The following GALNT13 variants were observed in gnomAD, a reference collection of about 807,000 sequenced individuals.
GALNT13 encodes polypeptide N-acetylgalactosaminyltransferase 13, also known as UDP-GalNAc:polypeptide N-acetylgalactosaminyltransferase 13.
In GALNT13, 28 loss-of-function variants were observed where a neutral mutation model predicts 64.2. The observed-to-expected ratio is 0.44, with a 90% CI of 0.32 to 0.60. The LOEUF is 0.60. GALNT13 is among the 20% of genes least tolerant of loss of function. The probability of loss-of-function intolerance (pLI) is 0.05; values close to 1 mark genes in which losing one functional copy is unlikely to be tolerated. For synonymous variants in GALNT13, 214 were observed against 224.6 expected (o/e 0.95, Z 0.42); for missense variants, 577 against 669.8 (o/e 0.86, Z 1.53).
chr2:153,109,391 C>A, the GALNT13 span, among the ~76,000 whole-genome samples: 1 of 151,876 alleles, frequency 6.6e-6, no homozygotes, highest in South Asian at 2.1e-4. Context: ...ACTATAATAC[C>A]TGGCCCTGAT....
intron 3 of GALNT13, among the ~76,000 whole-genome samples, chr2:154,121,342 TC>T (rs1681931852): frequency 6.6e-6 from 1 of 152,168 alleles, no homozygotes; most frequent in African/African-American, 2.4e-5. Context: ...GTCTTTTGTA[TC>T]AGTATTAATG....
intron 11 of GALNT13, among the ~76,000 whole-genome samples, chr2:154,427,372 A>G (rs1406330724): frequency 6.6e-6 from 1 of 152,222 alleles, no homozygotes; most frequent in Non-Finnish European, 1.5e-5. Flanking sequence ...CTGGGTAAAA[A>G]TGGTAAGAGA....
the GALNT13 span, among the ~76,000 whole-genome samples, chr2:153,661,333 G>A: frequency 6.6e-6 from 1 of 152,046 alleles, no homozygotes; most frequent in Non-Finnish European, 1.5e-5. Flanking sequence ...CTACTCAGCT[G>A]CTCAAAATCA....
chr2:153,560,761 C>T, the GALNT13 span, among the ~76,000 whole-genome samples: 1 of 151,998 alleles, frequency 6.6e-6, no homozygotes, highest in Non-Finnish European at 1.5e-5. Context: ...ATAGGTCCCC[C>T]ACCACATGCT....
the GALNT13 span, among the ~76,000 whole-genome samples, chr2:153,509,409 G>A: frequency 1.3e-5 from 2 of 152,230 alleles, no homozygotes; most frequent in African/African-American, 4.8e-5. Context: ...TCCCCGCAGC[G>A]GCTGCTTCAG....
At chr2:153,522,489 T>C in the GALNT13 span, among the ~76,000 whole-genome samples, 1 of 152,172 alleles carries the variant, frequency 6.6e-6, no homozygotes, top group East Asian at 1.9e-4. Flanking sequence ...TTTGCATTCT[T>C]ACCTGCACTG....
chr2:153,766,613 C>A, the GALNT13 span, among the ~76,000 whole-genome samples: 3 of 152,000 alleles, frequency 2.0e-5, no homozygotes, highest in East Asian at 1.9e-4. Flanking sequence ...CTTACTAATT[C>A]TTTTCTCTGT....
intron 11 of GALNT13, among the ~76,000 whole-genome samples, chr2:154,411,497 T>A (rs1295533898): frequency 2.0e-5 from 3 of 151,124 alleles, no homozygotes; most frequent in Non-Finnish European, 4.4e-5. Flanking sequence ...CTGAGGGAGG[T>A]CTGCATGTGT....
chr2:154,365,330 T>C (rs1697308696), intron 9 of GALNT13, among the ~76,000 whole-genome samples: 1 of 152,164 alleles, frequency 6.6e-6, no homozygotes, highest in Non-Finnish European at 1.5e-5. Context: ...AAGCATACCC[T>C]TCAATTTAAA....
chr2:153,424,797 G>A, the GALNT13 span, among the ~76,000 whole-genome samples: 1 of 151,818 alleles, frequency 6.6e-6, no homozygotes, highest in African/African-American at 2.4e-5. Context: ...ATAGAAAGGT[G>A]TGCTAATTTC....
chr2:153,682,346 A>G, the GALNT13 span, among the ~76,000 whole-genome samples: 3 of 151,576 alleles, frequency 2.0e-5, no homozygotes, highest in African/African-American at 7.3e-5. Context: ...CTCTTATTTT[A>G]CTGTCATTCC....
At chr2:153,799,500 A>G in the GALNT13 span, among the ~76,000 whole-genome samples, 1 of 152,158 alleles carries the variant, frequency 6.6e-6, no homozygotes. Context: ...AGGAGTCTCA[A>G]CAATCACCAT....
At chr2:154,351,236 G>A (rs1466666740) in intron 9 of GALNT13, among the ~76,000 whole-genome samples, 3 of 152,142 alleles carry the variant, frequency 2.0e-5, no homozygotes, top group Admixed American at 6.5e-5. Context: ...TGGAAATGGT[G>A]TCATAAAGCT....
At chr2:153,443,068 G>C in the GALNT13 span, among the ~76,000 whole-genome samples, 1 of 152,074 alleles carries the variant, frequency 6.6e-6, no homozygotes, top group Non-Finnish European at 1.5e-5. Flanking sequence ...GTTTTGTCTC[G>C]CTGGAGTTCC....
At chr2:153,755,526 C>T in the GALNT13 span, among the ~76,000 whole-genome samples, 1 of 151,956 alleles carries the variant, frequency 6.6e-6, no homozygotes, top group South Asian at 2.1e-4. Flanking sequence ...TTTAATTTAT[C>T]CATTGACCTC....
the GALNT13 span, among the ~76,000 whole-genome samples, chr2:153,817,153 C>T: frequency 6.6e-6 from 1 of 152,194 alleles, no homozygotes; most frequent in Non-Finnish European, 1.5e-5. Context: ...ATCCCTTGCA[C>T]CAATGACTCT....
chr2:153,309,203 A>G, the GALNT13 span, among the ~76,000 whole-genome samples: 1 of 152,160 alleles, frequency 6.6e-6, no homozygotes, highest in Non-Finnish European at 1.5e-5. Flanking sequence ...TCTGGCAAAA[A>G]TAAACCCCAA....
the GALNT13 span, among the ~76,000 whole-genome samples, chr2:153,245,380 C>T: frequency 6.6e-6 from 1 of 152,314 alleles, no homozygotes; most frequent in East Asian, 1.9e-4. Flanking sequence ...ACACCTCATA[C>T]AGGAGAGCTC....
At chr2:153,212,204 C>A in the GALNT13 span, among the ~76,000 whole-genome samples, 1 of 152,004 alleles carries the variant, frequency 6.6e-6, no homozygotes. Context: ...TGTTTCTCTT[C>A]AAATTATAAG....
Sources: allele counts gnomAD v4.1 joint callset (sites outside exome capture counted in the v4.1 genomes callset), GRCh38; gene constraint gnomAD v4.1.1; transcripts MANE v1.5; gene names NCBI Gene and HGNC (gene_info 2026-07-23, HGNC 2026-07-21).